SNCAIP: variants seen among roughly 807,000 people sequenced by gnomAD.
SNCAIP encodes the protein synuclein alpha interacting protein, also known as synphilin-1.
In SNCAIP, 43 loss-of-function variants were observed where a neutral mutation model predicts 86.7. The ratio of observed to expected loss-of-function variants is 0.50; its 90% CI spans 0.39 to 0.64. SNCAIP has a LOEUF of 0.64. SNCAIP is among the 30% of genes least tolerant of loss of function. The probability of loss-of-function intolerance (pLI) is 0.00; values close to 1 mark genes in which losing one functional copy is unlikely to be tolerated. For missense variants in SNCAIP, 981 were observed against 1,103.1 expected (o/e 0.89, Z 1.57); for synonymous variants, 417 against 427.2 (o/e 0.98, Z 0.29).
At chr5:122,372,930 T>C (rs545115805) in intron 1 of SNCAIP, among the ~76,000 whole-genome samples, 70 of 152,326 alleles carry the variant, frequency 4.6e-4, no homozygotes, top group African/African-American at 1.5e-3. Flanking sequence ...ATAGTACTTC[T>C]GCTTTGCAAA....
rs185365530 is a variant in SNCAIP, at chr5:122,367,439, G to A, written c.-46-23650G>A. Among the ~76,000 whole-genome samples, 31 of 152,292 alleles carry A rather than the reference G, an allele frequency of 2.0e-4. No individual in the cohort carries two copies. The East Asian group carries it at 4.8e-3, about 24-fold the overall frequency. ...TGTCTTTTGAGAGTTTGGATAAGAC[G>A]AGAGAAAAGACGGGATGAAATCCAA... is the stretch of plus-strand genomic sequence containing the variant. On this transcript the variant is annotated intron_variant, in intron 1 of 10. Transcript: ENST00000261368.
intron 1 of SNCAIP, among the ~76,000 whole-genome samples, chr5:122,326,367 T>G (rs1002611895): frequency 2.4e-4 from 37 of 152,208 alleles, no homozygotes; most frequent in African/African-American, 8.9e-4. Flanking sequence ...TCATCTCATC[T>G]GTAACTTATA....
intron 10 of SNCAIP, among the ~76,000 whole-genome samples, chr5:122,460,494 G>A (rs910533083): frequency 2.0e-5 from 3 of 151,918 alleles, no homozygotes; most frequent in South Asian, 2.1e-4. Flanking sequence ...CACTGCACCT[G>A]TTCTCTCTTG....
chr5:122,397,884 A>G (rs993231805), intron 2 of SNCAIP, among the ~76,000 whole-genome samples: 3 of 152,294 alleles, frequency 2.0e-5, no homozygotes, highest in South Asian at 4.1e-4. Flanking sequence ...TAAGGGAACT[A>G]AAAAGACAAG....
intron 3 of SNCAIP, among the ~76,000 whole-genome samples, chr5:122,406,407 C>T (rs542501837): frequency 1.3e-5 from 2 of 152,196 alleles, no homozygotes; most frequent in African/African-American, 4.8e-5. Context: ...GGATGGGGCA[C>T]TCTCAGGGGA....
chr5:122,445,173 G>T (rs1341223154), intron 8 of SNCAIP, among the ~76,000 whole-genome samples: 1 of 152,110 alleles, frequency 6.6e-6, no homozygotes, highest in Admixed American at 6.5e-5. Flanking sequence ...AAATGTGTGG[G>T]GGAAATTACA....
intron 1 of SNCAIP, among the ~76,000 whole-genome samples, chr5:122,339,551 A>G (rs1448839310): frequency 6.6e-6 from 1 of 152,110 alleles, no homozygotes; most frequent in Non-Finnish European, 1.5e-5. Context: ...ATTGTCTTTT[A>G]TTATTGATTG....
intron 1 of SNCAIP, among the ~76,000 whole-genome samples, chr5:122,354,109 T>A (rs772754458): frequency 3.9e-5 from 6 of 152,136 alleles, no homozygotes; most frequent in Non-Finnish European, 7.4e-5. Context: ...GACTCTAACC[T>A]CACAGTTTAG....
chr5:122,463,718 T>G lies in SNCAIP; in HGVS notation c.*222T>G. ...TCAGGATGCCTTAAATTTATAGTAGTAGACTGTAAAAGATTCATTTTGGGG... is the reference window on the plus strand; with the variant it reads ...TCAGGATGCCTTAAATTTATAGTAGGAGACTGTAAAAGATTCATTTTGGGG... On this transcript the variant is annotated 3_prime_UTR_variant, in exon 11 of 11. Coordinates refer to ENST00000261368, the MANE Select transcript of SNCAIP (RefSeq NM_005460.4). 1 of 542,278 alleles carries G rather than the reference T, an allele frequency of 1.8e-6. No homozygotes were observed. Among genetic ancestry groups the G allele is most frequent in the East Asian group, 2.9e-5 (1 of 34,610 alleles). 33.6% of individuals were successfully genotyped at this position (542,278 alleles called of 1,614,324 possible).
chr5:122,452,835 A>G (rs768544370), intron 10 of SNCAIP: 12 of 804,960 alleles, frequency 1.5e-5, no homozygotes, highest in African/African-American at 5.1e-5. Flanking sequence ...TAATCTATCT[A>G]TCTTCCTGCA....
At chr5:122,453,081 C>T in intron 10 of SNCAIP, 1 of 807,622 alleles carries the variant, frequency 1.2e-6, no homozygotes, top group Non-Finnish European at 2.0e-6. Flanking sequence ...ACTTGGAGCA[C>T]CTTTCATCAG....
intron 1 of SNCAIP, chr5:122,369,870 C>T (rs867982402): frequency 7.2e-5 from 11 of 152,264 alleles, no homozygotes; most frequent in Middle Eastern, 3.4e-3. Flanking sequence ...AGCTCCTTTG[C>T]TTCACAGTTC....
chr5:122,380,134 C>G (rs1246697497), intron 1 of SNCAIP, among the ~76,000 whole-genome samples: 2 of 152,102 alleles, frequency 1.3e-5, no homozygotes, highest in Admixed American at 6.5e-5. Flanking sequence ...CCTCCTTGTA[C>G]CTCTGGTAGA....
At chr5:122,368,406 C>G (rs1763610054) in intron 1 of SNCAIP, among the ~76,000 whole-genome samples, 1 of 152,144 alleles carries the variant, frequency 6.6e-6, no homozygotes, top group Non-Finnish European at 1.5e-5. Context: ...ATTCTGTCAT[C>G]CTTCTCTGCT....
At chr5:122,321,105 A>G (rs960737152) in intron 1 of SNCAIP, among the ~76,000 whole-genome samples, 1 of 152,150 alleles carries the variant, frequency 6.6e-6, no homozygotes, top group Non-Finnish European at 1.5e-5. Flanking sequence ...GGATCCATGA[A>G]TGGGAGCCAT....
rs80173443 is a variant in SNCAIP at position 122,368,910 on chromosome 5, A to G, written c.-46-22179A>G. On this transcript the variant is annotated intron_variant, in intron 1 of 10. Transcript: ENST00000261368. ...AGCTGTAGGCAGCCATTGATTACAC[A>G]GTAAGAGATTTGGTAATTCCTTCCA... Among the ~76,000 whole-genome samples the G allele has an allele frequency of 2.5e-3, 387 of 152,322 alleles. 3 individuals are homozygous for G. Among genetic ancestry groups the G allele is most frequent in the African/African-American group, 8.8e-3 (365 of 41,572 alleles).
At chr5:122,432,801 G>A (rs1778671592) in intron 6 of SNCAIP, among the ~76,000 whole-genome samples, 3 of 152,082 alleles carry the variant, frequency 2.0e-5, no homozygotes, top group Admixed American at 2.0e-4. Context: ...GAATGTGACT[G>A]TGAGTTATCT....
At chr5:122,437,513 C>T in intron 6 of SNCAIP, among the ~76,000 whole-genome samples, 1 of 152,170 alleles carries the variant, frequency 6.6e-6, no homozygotes, top group Non-Finnish European at 1.5e-5. Context: ...CATGTCATAT[C>T]TCAGTGGACA....
At chr5:122,409,959 C>G in intron 3 of SNCAIP, among the ~76,000 whole-genome samples, 1 of 152,116 alleles carries the variant, frequency 6.6e-6, no homozygotes, top group Non-Finnish European at 1.5e-5. Context: ...AAACTGGACT[C>G]TAAAGAGCAG....
Sources: gnomAD v4.1 joint callset for allele counts (sites outside exome capture counted in the v4.1 genomes callset) on GRCh38, gnomAD v4.1.1 for gene constraint, MANE v1.5 for transcripts, NCBI Gene and HGNC (gene_info 2026-07-23, HGNC 2026-07-21) for gene names.